Variants in NBEAL2 observed in about 807,000 individuals in gnomAD.
NBEAL2 encodes the protein neurobeachin-like protein 2.
NBEAL2 carries 160 observed loss-of-function variants against 299.8 expected under a neutral mutation model. The observed-to-expected ratio is 0.53, with a 90% CI of 0.47 to 0.61. The LOEUF (loss-of-function observed/expected upper bound fraction) is 0.61, where lower values mean the gene tolerates loss of function less well. Ranked by LOEUF, NBEAL2 falls within the 20% of genes least tolerant of loss-of-function variation. The probability of loss-of-function intolerance (pLI) is 0.00; values close to 1 mark genes in which losing one functional copy is unlikely to be tolerated. For missense variants in NBEAL2, 3,112 were observed against 3,649.0 expected, an observed-to-expected ratio of 0.85 and a Z score of 3.79; for synonymous variants, 1,493 against 1,542.3, an observed-to-expected ratio of 0.97 and a Z score of 0.75.
In NBEAL2 at chr3:47,004,739, C is replaced by A; in HGVS notation, c.6294+149C>A. 2.5e-6 allele frequency: 1 copy of A among 394,346 alleles called. No homozygotes were observed. Among genetic ancestry groups the A allele is most frequent in the Non-Finnish European group, 4.1e-6 (1 of 243,288 alleles). 24.4% of individuals were successfully genotyped at this position (394,346 alleles called of 1,614,324 possible). On this transcript the variant is annotated intron_variant, in intron 38 of 53. Coordinates refer to ENST00000450053, the MANE Select transcript of NBEAL2 (RefSeq NM_015175.3). This position sits in a 1 kb window ranked among gnomAD's most constrained non-coding sequence, Gnocchi z 5.0. Reference sequence around the variant, plus strand: ...TGAAGACCTGGCCTCTGTTCCCTGCCAACCCCCAGAGGTCCCCAGCCTCAC... The same window carrying A: ...TGAAGACCTGGCCTCTGTTCCCTGCAAACCCCCAGAGGTCCCCAGCCTCAC...
chr3:46,992,480 C>A lies in NBEAL2; in HGVS notation c.1038C>A (p.Tyr346Ter). 6.2e-7 allele frequency: 1 copy of A among 1,605,434 alleles called. No individual in the cohort carries two copies. The highest frequency in any genetic ancestry group is 8.5e-7 in the Non-Finnish European group (1 of 1,176,558). ...GCCTCCCCACTTCCCCACAGCTGTA[C>A]CTGCAGTCCCGGGCGCCCCCCGAGG... ...LTRLIQNSKL[Y>*]LQSRAPPEGD... The change falls in exon 10 of 54, where the codon TAC (tyrosine) becomes TAA (stop). Residue 346 changes from tyrosine to a stop codon, truncating the protein, a stop_gained. Coordinates refer to ENST00000450053, the MANE Select transcript of NBEAL2 (RefSeq NM_015175.3). LOFTEE classifies it high-confidence loss of function.
chr3:47,002,685 A>G lies in NBEAL2; in HGVS notation c.5342A>G (p.Glu1781Gly). 6.2e-7 allele frequency: 1 copy of G among 1,605,132 alleles called. No individual in the cohort carries two copies. The highest frequency in any genetic ancestry group is 8.5e-7 in the Non-Finnish European group (1 of 1,177,470). ...CCTGCGCAGAGGCGGGCGCGCCTGG[A>G]GGGGCTACGCTACACGGCAGTGCTG... ...LEPAQRRARLEGLRYTAVLKQ... is the reference protein window; with the variant it reads ...LEPAQRRARLGGLRYTAVLKQ... The change falls in exon 33 of 54, where the codon GAG (glutamate) becomes GGG (glycine). Residue 1781 changes from glutamate (E) to glycine (G), a missense_variant. Glu to Gly is a moderately conservative substitution (Grantham distance 98). Around this residue, in one of 3 missense-constraint regions of NBEAL2, gnomAD observed 2,243 missense variants for 2,538.1 expected, o/e 0.88. Coordinates refer to ENST00000450053, the MANE Select transcript of NBEAL2 (RefSeq NM_015175.3).
At position 46,998,229 on chromosome 3, in the gene NBEAL2, A is replaced by G; in HGVS notation, c.3118+3A>G. Reference sequence around the variant, plus strand: ...CAGTGACTTCGCCGTGCGCCTCGGTAGGTGTGAGGACCTGAGCAAGGGGCC... The same window carrying G: ...CAGTGACTTCGCCGTGCGCCTCGGTGGGTGTGAGGACCTGAGCAAGGGGCC... On this transcript the variant is annotated splice_donor_region_variant and intron_variant, in intron 21 of 53. Coordinates refer to ENST00000450053, the MANE Select transcript of NBEAL2 (RefSeq NM_015175.3). The G allele has an allele frequency of 6.2e-7, 1 of 1,608,008 alleles. No homozygotes were observed. Among genetic ancestry groups the G allele is most frequent in the Middle Eastern group, 1.7e-4 (1 of 6,058 alleles).
rs1264441018 is a variant in NBEAL2, at chr3:46,998,975, A to C, written c.3401A>C (p.Asp1134Ala). The change falls in exon 24 of 54, where the codon GAC becomes GCC. Residue 1134 changes from aspartate to alanine, a missense_variant. Asp to Ala is a moderately radical substitution (Grantham distance 126). Transcript: ENST00000450053. The stretch of plus-strand genomic sequence containing the variant: ...CATCCCCAGGCGGTGGGTGCGCTGG[A>C]CCTGCTGCTGGCCCTGCTGCACGGT... ...GDDGQAVGAL[D>A]LLLALLHGSL... The C allele has an allele frequency of 1.2e-6, 2 of 1,607,358 alleles. No homozygotes were observed. Among genetic ancestry groups the C allele is most frequent in the South Asian group, 1.1e-5 (1 of 89,614 alleles).
intron 48 of NBEAL2, 48 bp downstream of exon 48, chr3:47,007,745 G>A: frequency 6.2e-7 from 1 of 1,608,750 alleles, no homozygotes; most frequent in South Asian, 1.1e-5. Flanking sequence ...CAGGTATGGG[G>A]CCGGGTTCTG....
At chr3:46,994,627 T>C (rs2036344331) in intron 12 of NBEAL2, 74 bp downstream of exon 12, 3 of 1,302,676 alleles carry the variant, frequency 2.3e-6, no homozygotes, top group Middle Eastern at 2.1e-4. Context: ...GATGGTGAGC[T>C]CTCCACCCTG....
At position 47,005,559 on chromosome 3, in the gene NBEAL2, G is replaced by A. The variant is rs781499875; in HGVS notation, c.6631G>A (p.Asp2211Asn). The A allele has an allele frequency of 2.0e-5, 33 of 1,612,512 alleles. No individual in the cohort carries two copies. The highest frequency in any genetic ancestry group is 2.7e-5 in the African/African-American group (2 of 74,912). Residue 2211 changes from aspartate to asparagine, a missense_variant, in exon 41 of 54, where the codon GAT becomes AAT. By Grantham distance (23) the Asp-to-Asn change is conservative. Transcript: ENST00000450053. ...AWQARLESPADVKELIPEFFY... is the reference protein window; with the variant it reads ...AWQARLESPANVKELIPEFFY... ...GCAGGCACGCCTGGAGAGCCCTGCC[G>A]ATGTGAAGGAGCTCATCCCGGAATT... is the stretch of plus-strand genomic sequence containing the variant.
At chr3:46,997,098 A>T in intron 18 of NBEAL2, 52 bp downstream of exon 18, 2 of 1,574,192 alleles carry the variant, frequency 1.3e-6, no homozygotes, top group South Asian at 2.2e-5. Context: ...TATGGGGCAC[A>T]TGTGTGTTCG....
Position 46,999,337 on chromosome 3 carries a change from A to C in NBEAL2, c.3566A>C (p.Asn1189Thr), listed in dbSNP as rs768232397. 1 of 1,611,172 alleles carries C rather than the reference A, an allele frequency of 6.2e-7. No homozygotes were observed. The highest frequency in any genetic ancestry group is 8.5e-7 in the Non-Finnish European group (1 of 1,179,138). ...CAGATCCTGCGCAGACTGCAGCAGA[A>C]TGAGCGGCTACCTGAGCGGAGCCGC... ...VCKILRRLQQ[N>T]ERLPERSRQR... is the part of the protein sequence containing the mutation. The change falls in exon 25 of 54, where the codon AAT (asparagine) becomes ACT (threonine). Residue 1189 changes from asparagine (N) to threonine (T), a missense_variant. Transcript: ENST00000450053.
rs1427406833 is a variant in NBEAL2 at position 46,998,875 on chromosome 3, G to A, written c.3380G>A (p.Gly1127Asp). 5 of 1,592,986 alleles carry A rather than the reference G, an allele frequency of 3.1e-6. No homozygotes were observed. The highest frequency in any genetic ancestry group is 1.7e-4 in the Middle Eastern group (1 of 6,036). Reference protein sequence around the residue: ...LSFLAATGDDGQAVGALDLLL... With the variant: ...LSFLAATGDDDQAVGALDLLL... ...TTTTTGGCGGCCACAGGCGATGACG[G>A]TCAGGTAGGCTGGAGGTTGGGGAGC... The change falls in exon 23 of 54, where the codon GGT becomes GAT. Residue 1127 changes from glycine to aspartate, a missense_variant. Physicochemically the swap from Gly to Asp is moderately conservative, Grantham distance 94 (BLOSUM62 -1). Coordinates refer to ENST00000450053, the MANE Select transcript of NBEAL2 (RefSeq NM_015175.3).
chr3:47,005,617 A>T lies in NBEAL2; in HGVS notation c.6689A>T (p.Asn2230Ile). 6.2e-7 allele frequency: 1 copy of T among 1,613,612 alleles called. No homozygotes were observed. Among genetic ancestry groups the T allele is most frequent in the East Asian group, 2.2e-5 (1 of 44,868 alleles). ...TTTCCTGACTTCCTGGAGAACCAGA[A>T]CGGTAGGTGTGAGGTGCTCACACTG... is the stretch of plus-strand genomic sequence containing the variant. ...FYFPDFLENQNGFDLGCLQLT... is the reference protein window; with the variant it reads ...FYFPDFLENQIGFDLGCLQLT... The change falls in exon 41 of 54, where the codon AAC (asparagine) becomes ATC (isoleucine). Residue 2230 changes from asparagine to isoleucine, a missense_variant and splice_region_variant. Coordinates refer to ENST00000450053, the MANE Select transcript of NBEAL2 (RefSeq NM_015175.3).
In NBEAL2 at chr3:47,000,072, CCTG is replaced by C. The variant is rs2036851759; in HGVS notation, c.3977_3979del (p.Ala1326del). Reference sequence around the variant, plus strand: ...CCCACCCAAGCCACCCACTGAGTCACCTGCTGAGCCTTCAGATGTCTTCCTGCC... The same window carrying C: ...CCCACCCAAGCCACCCACTGAGTCACCTGAGCCTTCAGATGTCTTCCTGCC... On this transcript the variant is annotated inframe_deletion, in exon 27 of 54. Transcript: ENST00000450053. The surrounding 1 kb of genome is among the most constrained non-coding windows in gnomAD (Gnocchi z 4.5). 1 of 1,613,510 alleles carries C rather than the reference CCTG, an allele frequency of 6.2e-7. No individual in the cohort carries two copies. Among genetic ancestry groups the C allele is most frequent in the Non-Finnish European group, 8.5e-7 (1 of 1,179,872 alleles).
At position 47,005,949 on chromosome 3, in the gene NBEAL2, T is replaced by C. The variant is rs764702230; in HGVS notation, c.6805T>C (p.Ser2269Pro). 6.2e-7 allele frequency: 1 copy of C among 1,612,916 alleles called. No homozygotes were observed. The highest frequency in any genetic ancestry group is 8.5e-7 in the Non-Finnish European group (1 of 1,179,708). ...ATTGCTGCCTCCCTACTCTCAGGAG[T>C]CGGAGTATGTGTCTGCACACCTACA... is the stretch of plus-strand genomic sequence containing the variant. ...FIQQHRQALE[S>P]EYVSAHLHEW... The change falls in exon 43 of 54, where the codon TCG becomes CCG. Residue 2269 changes from serine to proline, a missense_variant. Ser to Pro is a moderately conservative substitution (Grantham distance 74). This residue lies in a region of NBEAL2 where 521 missense variants were observed against 729.6 expected (regional missense o/e 0.71). Coordinates refer to ENST00000450053, the MANE Select transcript of NBEAL2 (RefSeq NM_015175.3).
Position 46,995,522 on chromosome 3 carries a change from A to T in NBEAL2, c.1787A>T (p.Gln596Leu). 3 of 1,612,862 alleles carry T rather than the reference A, an allele frequency of 1.9e-6. No individual in the cohort carries two copies. Among genetic ancestry groups the T allele is most frequent in the Non-Finnish European group, 2.5e-6 (3 of 1,179,886 alleles). The part of the protein sequence containing the change: ...SMAGIMVPPV[Q>L]RWPGPGFTFH... ...GCGGGCATCATGGTACCCCCTGTAC[A>T]GCGATGGCCAGGGCCTGGCTTCACC... The change falls in exon 13 of 54, where the codon CAG becomes CTG. Residue 596 changes from glutamine to leucine, a missense_variant. Transcript: ENST00000450053.
chr3:47,002,316 G>C (rs377040724), intron 31 of NBEAL2, 28 bp downstream of exon 31: 176 of 1,593,752 alleles, frequency 1.1e-4, no homozygotes, highest in Non-Finnish European at 3.1e-5. Flanking sequence ...CCCAGGAAGA[G>C]GAGTGGGGGC....
intron 20 of NBEAL2, 87 bp from the exon 21 acceptor site, chr3:46,997,980 G>T: frequency 6.9e-7 from 1 of 1,439,762 alleles, no homozygotes; most frequent in Admixed American, 2.3e-5. Context: ...GGCCGTCATG[G>T]CTGTGCAGGG....
At chr3:47,006,829 G>A (rs1283763024) in intron 45 of NBEAL2, among the ~76,000 whole-genome samples, 3 of 152,156 alleles carry the variant, frequency 2.0e-5, no homozygotes, top group Non-Finnish European at 4.4e-5. Context: ...AGAGGACCAA[G>A]TTGAAACTAA....
At chr3:46,983,518 T>C (rs1053572094) in intron 1 of NBEAL2, among the ~76,000 whole-genome samples, 4 of 151,996 alleles carry the variant, frequency 2.6e-5, no homozygotes, top group African/African-American at 7.3e-5. Context: ...CTATGTTGGC[T>C]AGGCTGCTCT....
intron 1 of NBEAL2, among the ~76,000 whole-genome samples, chr3:46,985,537 G>T (rs2035620314): frequency 6.6e-6 from 1 of 152,150 alleles, no homozygotes; most frequent in South Asian, 2.1e-4. Context: ...CAGCCCTCGG[G>T]AGCCCCTCAC....
Sources: allele counts gnomAD v4.1 joint callset (sites outside exome capture counted in the v4.1 genomes callset), GRCh38; gene constraint gnomAD v4.1.1; regional missense constraint gnomAD v4.1.1; non-coding constraint Gnocchi (gnomAD v3.1); transcripts MANE v1.5; gene names NCBI Gene and HGNC (gene_info 2026-07-23, HGNC 2026-07-21).